IPO11: variants seen among roughly 807,000 people sequenced by gnomAD.
IPO11 encodes importin-11.
Under a neutral mutation model 143.2 loss-of-function variants are expected in IPO11, and 66 were observed. The observed-to-expected ratio is 0.46, with a 90% CI of 0.38 to 0.57. The LOEUF is 0.57. IPO11 is among the 20% of genes least tolerant of loss of function. The probability of loss-of-function intolerance (pLI) is 0.00; values close to 1 mark genes in which losing one functional copy is unlikely to be tolerated. For synonymous variants in IPO11, 385 were observed against 377.8 expected, an observed-to-expected ratio of 1.02 and a Z score of -0.22; for missense variants, 1,026 against 1,141.0, an observed-to-expected ratio of 0.90 and a Z score of 1.45.
chr5:62,607,017 C>T (rs1369054325), intron 29 of IPO11, among the ~76,000 whole-genome samples: 1 of 152,182 alleles, frequency 6.6e-6, no homozygotes, highest in Non-Finnish European at 1.5e-5. Flanking sequence ...CTGTACTGCT[C>T]TTGCCAAATA....
chr5:62,483,291 A>C lies in IPO11; in HGVS notation c.1019A>C (p.Glu340Ala). Residue 340 changes from glutamate to alanine, a missense_variant and splice_region_variant, in exon 10 of 30, where the codon GAA (glutamate) becomes GCA (alanine). Physicochemically the swap from Glu to Ala is moderately radical, Grantham distance 107. Coordinates refer to ENST00000325324, the MANE Select transcript of IPO11 (RefSeq NM_016338.5). ...NYAYKPSKNF[E>A]DSSPETLEAH... ...GCTTATAAGCCATCCAAAAATTTTG[A>C]AGGTAATTCCTTTATTGGCAGTTTA... The C allele has an allele frequency of 2.0e-6, 3 of 1,534,644 alleles. No homozygotes were observed. The highest frequency in any genetic ancestry group is 2.7e-6 in the Non-Finnish European group (3 of 1,131,152).
At chr5:62,578,287 AAG>A (rs1432451958) in intron 27 of IPO11, among the ~76,000 whole-genome samples, 1 of 152,122 alleles carries the variant, frequency 6.6e-6, no homozygotes, top group Non-Finnish European at 1.5e-5. Context: ...AAATTTTAAA[AAG>A]AGCACTGGAG....
Position 62,537,226 on chromosome 5 carries a change from A to G in IPO11, c.2187A>G (p.Leu729=), listed in dbSNP as rs1458943834. 8 of 1,605,022 alleles carry G rather than the reference A, an allele frequency of 5.0e-6. No individual in the cohort carries two copies. The highest frequency in any genetic ancestry group is 1.3e-5 in the African/African-American group (1 of 74,738). The stretch of plus-strand genomic sequence containing the variant: ...AATTTCAGACATACGCAGTAGGTCT[A>G]TGCCAGTCCTTTTGTGAACTTTTAA... The part of the protein sequence containing the change: ...TEFLQTYAVG[L]CQSFCELLKE... The change falls in exon 24 of 30, where the codon CTA becomes CTG. Residue 729 remains leucine (L), a synonymous_variant. Coordinates refer to ENST00000325324, the MANE Select transcript of IPO11 (RefSeq NM_016338.5).
At chr5:62,625,094 T>C (rs983712333) in intron 29 of IPO11, among the ~76,000 whole-genome samples, 1 of 151,568 alleles carries the variant, frequency 6.6e-6, no homozygotes, top group Non-Finnish European at 1.5e-5. Context: ...GCTTAAAAAG[T>C]GAATAATGAC....
intron 19 of IPO11, among the ~76,000 whole-genome samples, chr5:62,513,422 C>G (rs918311148): frequency 1.4e-5 from 2 of 141,632 alleles, no homozygotes; most frequent in South Asian, 2.3e-4. Flanking sequence ...TGACCCCCCC[C>G]CCACCTCCCT....
chr5:62,413,106 T>G (rs942776869), intron 1 of IPO11, among the ~76,000 whole-genome samples, 177 bp downstream of exon 1: 3 of 151,872 alleles, frequency 2.0e-5, no homozygotes, highest in African/African-American at 7.3e-5. Flanking sequence ...CCCGGGGAAC[T>G]GGGGGCTGGC....
chr5:62,417,119 A>AG (rs1743321440), intron 1 of IPO11, among the ~76,000 whole-genome samples: 1 of 129,012 alleles, frequency 7.8e-6, no homozygotes, highest in Non-Finnish European at 1.7e-5. Context: ...TATTTTTCTT[A>AG]GTTTTTTTTT....
At position 62,601,826 on chromosome 5, in the gene IPO11, A is replaced by T; in HGVS notation, c.2741A>T (p.Glu914Val). 4 of 1,594,974 alleles carry T rather than the reference A, an allele frequency of 2.5e-6. No homozygotes were observed. The highest frequency in any genetic ancestry group is 3.4e-6 in the Non-Finnish European group (4 of 1,170,034). The part of the protein sequence containing the change: ...KVTEDEEPPT[E>V]QDKRKKMLAL... ...ACAGAAGATGAAGAACCACCCACAG[A>T]ACAAGATAAGAGGAAAAAGATGGTA... The change falls in exon 29 of 30, where the codon GAA becomes GTA. Residue 914 changes from glutamate (E) to valine (V), a missense_variant. Physicochemically the swap from Glu to Val is moderately radical, Grantham distance 121. Transcript: ENST00000325324.
chr5:62,435,144 GTA>G (rs761497192), intron 1 of IPO11, among the ~76,000 whole-genome samples: 9 of 64,988 alleles, frequency 1.4e-4, no homozygotes, highest in Non-Finnish European at 2.2e-4. Flanking sequence ...ATGTATATAT[GTA>G]TATATGTATA....
intron 14 of IPO11, 92 bp downstream of exon 14, chr5:62,489,441 T>G: frequency 6.9e-5 from 52 of 754,468 alleles, no homozygotes; most frequent in Non-Finnish European, 1.0e-4. Context: ...GGTGTTGAGA[T>G]ACAAGAGTAA....
Position 62,506,232 on chromosome 5 carries a change from T to A in IPO11, c.1666-9T>A. 1 of 1,483,054 alleles carries A rather than the reference T, an allele frequency of 6.7e-7. No homozygotes were observed. Among genetic ancestry groups the A allele is most frequent in the Non-Finnish European group, 9.4e-7 (1 of 1,068,802 alleles). The allele number at this position is 1,483,054 out of a possible 1,614,324, so 91.9% of individuals were successfully genotyped here. A position where few individuals can be genotyped will look rare whatever the true frequency, so the allele number is the denominator to read the frequency against. On this transcript the variant is annotated splice_polypyrimidine_tract_variant and intron_variant, in intron 18 of 29. Coordinates refer to ENST00000325324, the MANE Select transcript of IPO11 (RefSeq NM_016338.5). Reference sequence around the variant, plus strand: ...AAACCTTTTTTATTTTCTTTCTTTTTACCTGCAGTATTTGGAAACCATGTT... The same window carrying A: ...AAACCTTTTTTATTTTCTTTCTTTTAACCTGCAGTATTTGGAAACCATGTT...
At chr5:62,421,224 A>G (rs1040757267) in intron 1 of IPO11, among the ~76,000 whole-genome samples, 1 of 152,088 alleles carries the variant, frequency 6.6e-6, no homozygotes, top group Non-Finnish European at 1.5e-5. Context: ...TGTCTTGTTG[A>G]TTCACAAGGG....
At chr5:62,447,122 A>G (rs1166346162) in intron 3 of IPO11, among the ~76,000 whole-genome samples, 1 of 151,464 alleles carries the variant, frequency 6.6e-6, no homozygotes, top group Non-Finnish European at 1.5e-5. Flanking sequence ...TTTTTTTTTA[A>G]GAAGACAGGG....
rs537267535 is a variant in IPO11, at chr5:62,415,020, A to G, written c.-7+2091A>G. Among the ~76,000 whole-genome samples, 11 of 152,322 alleles carry G rather than the reference A, an allele frequency of 7.2e-5. No homozygotes were observed. The South Asian group carries it at 2.3e-3, about 32-fold the overall frequency. ...GCTGGTTACTGTCAGAGCTTGTTAT[A>G]TTAAAAACGGACTAAAATTCATGAA... is the stretch of plus-strand genomic sequence containing the variant. On this transcript the variant is annotated intron_variant, in intron 1 of 29. Transcript: ENST00000325324.
chr5:62,448,533 C>CT (rs1010620709), intron 3 of IPO11, among the ~76,000 whole-genome samples: 9 of 152,060 alleles, frequency 5.9e-5, no homozygotes, highest in Admixed American at 3.9e-4. Flanking sequence ...TAGTACTTTA[C>CT]TTTTTTTAAG....
chr5:62,427,016 C>T (rs1324053976), intron 1 of IPO11, among the ~76,000 whole-genome samples: 1 of 141,410 alleles, frequency 7.1e-6, no homozygotes, highest in Non-Finnish European at 1.5e-5. Context: ...CGGCTCCCTG[C>T]AATTTCTGCC....
chr5:62,419,039 G>A lies in IPO11; in HGVS notation c.-7+6110G>A, dbSNP rs1210286783. Reference sequence around the variant, plus strand: ...ATGGTACAGCCTATTATACACTTGGGCTATGTGGTATATAGCTTATTGTAT... The same window carrying A: ...ATGGTACAGCCTATTATACACTTGGACTATGTGGTATATAGCTTATTGTAT... On this transcript the variant is annotated intron_variant, in intron 1 of 29. Transcript: ENST00000325324. 3 of 1,551,194 alleles carry A rather than the reference G, an allele frequency of 1.9e-6. No individual in the cohort carries two copies. The South Asian group carries it at 3.6e-5, about 18-fold the overall frequency.
At chr5:62,435,612 G>C (rs770691084) in intron 1 of IPO11, among the ~76,000 whole-genome samples, 42 of 150,730 alleles carry the variant, frequency 2.8e-4, no homozygotes, top group Non-Finnish European at 4.4e-4. Flanking sequence ...ATGGTGGCTC[G>C]CGCCTGTAAT....
rs70981015 is a variant in IPO11, at chr5:62,470,816, C to CTTTTTTTTT, written c.708+529_708+537dup. On this transcript the variant is annotated intron_variant, in intron 7 of 29. Coordinates refer to ENST00000325324, the MANE Select transcript of IPO11 (RefSeq NM_016338.5). ...TTCATTGTCTGTAGATAGCCATCTT[C>CTTTTTTTTT]TTTTTTTTTTTTTTTTTTTTTTTTT... Among the ~76,000 whole-genome samples, 127 of 62,562 alleles carry CTTTTTTTTT rather than the reference C, an allele frequency of 2.0e-3. 28 individuals are homozygous for CTTTTTTTTT. Among genetic ancestry groups the CTTTTTTTTT allele is most frequent in the East Asian group, 0.011 (15 of 1,418 alleles). The allele number at this position is 62,562 out of a possible 152,430, so 41.0% of individuals were successfully genotyped here.
Sources: gnomAD v4.1 joint callset for allele counts (sites outside exome capture counted in the v4.1 genomes callset) on GRCh38, gnomAD v4.1.1 for gene constraint, MANE v1.5 for transcripts, NCBI Gene and HGNC (gene_info 2026-07-23, HGNC 2026-07-21) for gene names.